TG: variants seen among roughly 807,000 people sequenced by gnomAD.
The protein encoded by TG is thyroid hormones.
Under a neutral mutation model 324.7 loss-of-function variants are expected in TG, and 270 were observed. That is an observed-to-expected ratio of 0.83 (90% CI 0.75 to 0.92). TG has a LOEUF of 0.92. Among genes scored for constraint, TG ranks in the 40% least tolerant of loss-of-function variants. The pLI is 0.00. For missense variants in TG, 3,591 were observed against 3,456.4 expected, an observed-to-expected ratio of 1.04 and a Z score of -0.98; for synonymous variants, 1,401 against 1,327.0, an observed-to-expected ratio of 1.06 and a Z score of -1.21.
At chr8:132,975,625 A>G (rs1239182330) in intron 34 of TG, among the ~76,000 whole-genome samples, 1 of 152,200 alleles carries the variant, frequency 6.6e-6, no homozygotes, top group African/African-American at 2.4e-5. Flanking sequence ...GGCATTACCA[A>G]TATAACCTCT....
At chr8:132,932,215 A>G (rs1822828294) in intron 23 of TG, among the ~76,000 whole-genome samples, 1 of 152,206 alleles carries the variant, frequency 6.6e-6, no homozygotes, top group Non-Finnish European at 1.5e-5. Flanking sequence ...CATTACAGCC[A>G]TACAATGCTG....
intron 43 of TG, among the ~76,000 whole-genome samples, chr8:133,101,820 T>C (rs1213815760): frequency 6.6e-6 from 1 of 151,990 alleles, no homozygotes; most frequent in African/African-American, 2.4e-5. Flanking sequence ...TCAGGTGCCA[T>C]TGGGCCCCAT....
chr8:133,107,008 G>T (rs1436644881), intron 43 of TG, among the ~76,000 whole-genome samples: 2 of 152,192 alleles, frequency 1.3e-5, no homozygotes, highest in Non-Finnish European at 2.9e-5. Flanking sequence ...TTTCTCACCT[G>T]CCTTGCTGAT....
rs1829504872 is a variant in TG, at chr8:132,971,399, G to A, written c.5976-395G>A. On this transcript the variant is annotated intron_variant, in intron 32 of 47. Transcript: ENST00000220616. ...AAGCCTATGGACTCTCCTCTTTCTA[G>A]AAATGCCTTCCCTGTTATTTCTTTA... is the stretch of plus-strand genomic sequence containing the variant. Among the ~76,000 whole-genome samples, 6 of 152,276 alleles carry A rather than the reference G, an allele frequency of 3.9e-5. No individual in the cohort carries two copies. In the South Asian group the frequency reaches 1.2e-3, roughly 32 times the overall value.
intron 24 of TG, 111 bp downstream of exon 24, chr8:132,933,787 T>C: frequency 1.1e-6 from 1 of 938,012 alleles, no homozygotes; most frequent in Non-Finnish European, 1.8e-6. Flanking sequence ...TGTCGAGAGC[T>C]GATCCTCTGT....
chr8:133,080,898 T>C (rs1391632094), intron 41 of TG, among the ~76,000 whole-genome samples: 1 of 152,244 alleles, frequency 6.6e-6, no homozygotes, highest in East Asian at 1.9e-4. Context: ...TCTTCCTAGA[T>C]GCCTCTCAAC....
Position 133,118,717 on chromosome 8 carries a change from G to A in TG, c.7862+2001G>A, listed in dbSNP as rs114602811. 5.0e-3 allele frequency among the ~76,000 whole-genome samples: 763 copies of A among 152,270 alleles called. 5 individuals carry two copies. Among genetic ancestry groups the A allele is most frequent in the African/African-American group, 0.016 (677 of 41,546 alleles). ...GCCACCTCTGTTTTACAGAGGAAGT[G>A]TGTCTCACAGTCTATTCGAGCTGCC... is the stretch of plus-strand genomic sequence containing the variant. On this transcript the variant is annotated intron_variant, in intron 45 of 47. Coordinates refer to ENST00000220616, the MANE Select transcript of TG (RefSeq NM_003235.5).
intron 35 of TG, chr8:132,995,240 T>C (rs1832759771): frequency 7.3e-6 from 7 of 964,570 alleles, no homozygotes; most frequent in Non-Finnish European, 8.6e-6. Context: ...ACCTATTACC[T>C]ACAAGTTGAG....
chr8:132,893,502 GT>G (rs1399760792), intron 10 of TG, among the ~76,000 whole-genome samples, 187 bp from the exon 11 acceptor site: 1 of 112,266 alleles, frequency 8.9e-6, no homozygotes, highest in Admixed American at 1.0e-4. Context: ...TGTGTGGTGT[GT>G]ATCAGTGTGT....
intron 41 of TG, chr8:133,049,417 C>T (rs1283642772): frequency 3.5e-6 from 1 of 286,528 alleles, no homozygotes; most frequent in Non-Finnish European, 7.0e-6. Context: ...ATCTTATTCT[C>T]CTAACAACCC....
rs764758076 is a variant in TG, at chr8:132,941,519, T to C, written c.5210T>C (p.Phe1737Ser). ...ACDRDLCCDG[F>S]VLTQVQGGAI... The stretch of plus-strand genomic sequence containing the variant: ...GACCGTGATCTGTGTTGCGATGGCT[T>C]CGTCCTCACACAGGTTCAAGGAGGT... Residue 1737 changes from phenylalanine to serine, a missense_variant, in exon 26 of 48, where the codon TTC (phenylalanine) becomes TCC (serine). By Grantham distance (155) the Phe-to-Ser change is radical. Coordinates refer to ENST00000220616, the MANE Select transcript of TG (RefSeq NM_003235.5). 1 of 1,614,200 alleles carries C rather than the reference T, an allele frequency of 6.2e-7. No individual in the cohort carries two copies. Among genetic ancestry groups the C allele is most frequent in the Non-Finnish European group, 8.5e-7 (1 of 1,180,038 alleles).
intron 45 of TG, among the ~76,000 whole-genome samples, chr8:133,122,977 C>G (rs997132382): frequency 5.3e-5 from 8 of 152,002 alleles, no homozygotes; most frequent in East Asian, 1.9e-4. Flanking sequence ...CATTTGAGAC[C>G]GGATAACCCT....
intron 45 of TG, among the ~76,000 whole-genome samples, chr8:133,121,162 G>A (rs933615746): frequency 8.5e-5 from 13 of 152,170 alleles, no homozygotes; most frequent in African/African-American, 1.4e-4. Context: ...AGGTGCTCAG[G>A]AAATCATACC....
intron 1 of TG, 128 bp downstream of exon 1, chr8:132,867,195 CTTT>C: frequency 4.6e-6 from 3 of 645,550 alleles, no homozygotes; most frequent in Non-Finnish European, 7.4e-6. Context: ...CAGTGATTTG[CTTT>C]TTTTTTTTCA....
intron 15 of TG, among the ~76,000 whole-genome samples, 183 bp downstream of exon 15, chr8:132,900,522 G>C (rs1320578229): frequency 1.3e-5 from 2 of 152,188 alleles, no homozygotes; most frequent in African/African-American, 4.8e-5. Context: ...CCCCATCTCT[G>C]CAGTTTCTTG....
intron 41 of TG, among the ~76,000 whole-genome samples, chr8:133,031,527 C>T (rs7008436): frequency 0.15 from 23,366 of 152,064 alleles, 2,161 homozygotes; most frequent in African/African-American, 0.26. Context: ...AGAGGGGCAA[C>T]GCTGGAGGCA....
chr8:133,048,140 A>G (rs530479016), intron 41 of TG, among the ~76,000 whole-genome samples: 1 of 152,336 alleles, frequency 6.6e-6, no homozygotes, highest in African/African-American at 2.4e-5. Flanking sequence ...TCAGCAGTTG[A>G]TAGAGTTAAA....
intron 40 of TG, among the ~76,000 whole-genome samples, chr8:133,022,406 G>A (rs1372180883): frequency 6.6e-6 from 1 of 152,146 alleles, no homozygotes; most frequent in Non-Finnish European, 1.5e-5. Context: ...ATCTTGTGAT[G>A]TGTGTGTATG....
intron 39 of TG, 43 bp from the exon 40 acceptor site, chr8:133,021,948 G>A: frequency 6.2e-7 from 1 of 1,612,834 alleles, no homozygotes; most frequent in Non-Finnish European, 8.5e-7. Flanking sequence ...TGGGAAAGGT[G>A]CCCTCCCCAC....
Sources: gnomAD v4.1 joint callset for allele counts (sites outside exome capture counted in the v4.1 genomes callset) on GRCh38, gnomAD v4.1.1 for gene constraint, MANE v1.5 for transcripts, NCBI Gene and HGNC (gene_info 2026-07-23, HGNC 2026-07-21) for gene names.